LPP: variants seen among roughly 807,000 people sequenced by gnomAD.
The protein encoded by LPP is LIM domain containing preferred translocation partner in lipoma, also known as lipoma-preferred partner.
In LPP, 38 loss-of-function variants were observed where a neutral mutation model predicts 60.4. The observed-to-expected ratio is 0.63, with a 90% CI of 0.49 to 0.83. The LOEUF (loss-of-function observed/expected upper bound fraction) is 0.83, where lower values mean the gene tolerates loss of function less well. Among genes scored for constraint, LPP ranks in the 40% least tolerant of loss-of-function variants. The pLI, the probability that LPP is intolerant of heterozygous loss-of-function variation, is 0.00. For synonymous variants in LPP, 328 were observed against 290.8 expected (o/e 1.13, Z -1.30); for missense variants, 902 against 783.6 (o/e 1.15, Z -1.80).
At chr3:188,778,784 T>C (rs112838217) in intron 9 of LPP, among the ~76,000 whole-genome samples, 2,195 of 152,286 alleles carry the variant, frequency 0.014, 64 homozygotes, top group African/African-American at 0.051. Context: ...CTATTTACCC[T>C]GAGGAGATAT....
intron 4 of LPP, among the ~76,000 whole-genome samples, chr3:188,473,928 A>T (rs1194541873): frequency 6.6e-6 from 1 of 152,218 alleles, no homozygotes; most frequent in Non-Finnish European, 1.5e-5. Flanking sequence ...TACTTTGAAG[A>T]CATACCCTCA....
At chr3:188,635,709 G>C (rs375335040) in intron 7 of LPP, among the ~76,000 whole-genome samples, 3 of 152,198 alleles carry the variant, frequency 2.0e-5, no homozygotes, top group African/African-American at 7.2e-5. Context: ...CTGGGGTGTG[G>C]GAGAATGATA....
chr3:188,166,410 AT>A (rs1719963414), intron 1 of LPP, among the ~76,000 whole-genome samples: 4 of 152,176 alleles, frequency 2.6e-5, no homozygotes, highest in African/African-American at 9.7e-5. Context: ...TGTGGGAGAT[AT>A]TGGTAGCTGG....
intron 7 of LPP, among the ~76,000 whole-genome samples, chr3:188,636,436 A>C (rs1848788195): frequency 6.6e-6 from 1 of 152,182 alleles, no homozygotes; most frequent in Non-Finnish European, 1.5e-5. Flanking sequence ...TTCCTAGCAC[A>C]GCAGTCTGAG....
chr3:188,829,288 C>T (rs1241397547), intron 9 of LPP, among the ~76,000 whole-genome samples: 1 of 152,154 alleles, frequency 6.6e-6, no homozygotes. Flanking sequence ...AACTAATGGT[C>T]CTTGTCTCAA....
At chr3:188,791,271 TC>T (rs761304439) in intron 9 of LPP, among the ~76,000 whole-genome samples, 1 of 152,190 alleles carries the variant, frequency 6.6e-6, no homozygotes, top group Non-Finnish European at 1.5e-5. Context: ...TCTATGCTTT[TC>T]TCTTACTGCT....
At chr3:188,488,452 A>G (rs1807279019) in intron 5 of LPP, among the ~76,000 whole-genome samples, 1 of 152,014 alleles carries the variant, frequency 6.6e-6, no homozygotes, top group African/African-American at 2.4e-5. Context: ...CATGCCTGTG[A>G]TGTTTGTAGT....
chr3:188,320,948 T>A (rs1244557922), intron 2 of LPP, among the ~76,000 whole-genome samples: 3 of 152,184 alleles, frequency 2.0e-5, no homozygotes, highest in African/African-American at 7.2e-5. Context: ...GTGGCCAGTG[T>A]GAGTAAGCTG....
intron 9 of LPP, among the ~76,000 whole-genome samples, chr3:188,844,703 A>G (rs1760993124): frequency 6.6e-6 from 1 of 152,246 alleles, no homozygotes; most frequent in Admixed American, 6.5e-5. Context: ...GCTTTGCAGC[A>G]CAGTGGAGCG....
At chr3:188,316,301 A>C (rs1358386510) in intron 2 of LPP, among the ~76,000 whole-genome samples, 1 of 152,164 alleles carries the variant, frequency 6.6e-6, no homozygotes, top group East Asian at 1.9e-4. Flanking sequence ...CAAAACAAAA[A>C]AAAGATTAGC....
chr3:188,804,808 T>C (rs1211016927), intron 9 of LPP, among the ~76,000 whole-genome samples: 1 of 152,078 alleles, frequency 6.6e-6, no homozygotes, highest in African/African-American at 2.4e-5. Flanking sequence ...TCTTTTGCCA[T>C]TAAGTGTAAT....
intron 6 of LPP, among the ~76,000 whole-genome samples, chr3:188,536,073 A>G (rs1319638818): frequency 7.2e-6 from 1 of 139,712 alleles, no homozygotes; most frequent in Non-Finnish European, 1.5e-5. Flanking sequence ...CAATGGCATG[A>G]TCTCATCTCA....
chr3:188,327,935 GA>G (rs1170326656), intron 2 of LPP, among the ~76,000 whole-genome samples: 1 of 152,036 alleles, frequency 6.6e-6, no homozygotes, highest in Non-Finnish European at 1.5e-5. Context: ...CAATTTTAAT[GA>G]AAAATATTTG....
chr3:188,746,345 AG>A, intron 8 of LPP: 1 of 422,150 alleles, frequency 2.4e-6, no homozygotes, highest in South Asian at 1.8e-5. Flanking sequence ...ATGTTGTAAC[AG>A]GGGGCAGAAA....
chr3:188,800,121 A>G (rs1211561842), intron 9 of LPP, among the ~76,000 whole-genome samples: 2 of 150,752 alleles, frequency 1.3e-5, no homozygotes, highest in Non-Finnish European at 2.9e-5. Context: ...TATAGGATAC[A>G]TGAACCGTAA....
chr3:188,252,075 T>TATATACAC (rs1233544060), intron 2 of LPP, among the ~76,000 whole-genome samples: 7 of 58,494 alleles, frequency 1.2e-4, no homozygotes, highest in African/African-American at 2.9e-4. Flanking sequence ...TATATATATA[T>TATATACAC]ACACACACAC....
At chr3:188,310,528 CT>C (rs2150259033) in intron 2 of LPP, among the ~76,000 whole-genome samples, 2 of 152,298 alleles carry the variant, frequency 1.3e-5, no homozygotes, top group South Asian at 4.1e-4. Context: ...GTTGCTCAAT[CT>C]TTGCCTACAC....
At chr3:188,499,405 C>T (rs1013138631) in intron 5 of LPP, among the ~76,000 whole-genome samples, 3 of 152,162 alleles carry the variant, frequency 2.0e-5, no homozygotes, top group African/African-American at 7.2e-5. Context: ...ATTAAATGAT[C>T]TTGGTGCCCT....
chr3:188,702,423 C>A (rs939245379), intron 7 of LPP, among the ~76,000 whole-genome samples: 1 of 151,430 alleles, frequency 6.6e-6, no homozygotes, highest in African/African-American at 2.4e-5. Flanking sequence ...AGCCTTCTTC[C>A]GTCTCAGAAC....
Sources: allele counts gnomAD v4.1 joint callset (sites outside exome capture counted in the v4.1 genomes callset), GRCh38; gene constraint gnomAD v4.1.1; transcripts MANE v1.5; gene names NCBI Gene and HGNC (gene_info 2026-07-23, HGNC 2026-07-21).